TASOR: variants seen among roughly 807,000 people sequenced by gnomAD.
TASOR encodes the protein protein TASOR.
Under a neutral mutation model 178.6 loss-of-function variants are expected in TASOR, and 53 were observed. The ratio of observed to expected loss-of-function variants is 0.30; its 90% confidence interval spans 0.24 to 0.37. The LOEUF (loss-of-function observed/expected upper bound fraction) is 0.37, where lower values mean the gene tolerates loss of function less well. TASOR is among the 10% of genes least tolerant of loss of function. The pLI, the probability that TASOR is intolerant of heterozygous loss-of-function variation, is 1.00. For missense variants in TASOR, 1,815 were observed against 1,971.4 expected, an observed-to-expected ratio of 0.92 and a Z score of 1.50; for synonymous variants, 713 against 696.2, an observed-to-expected ratio of 1.02 and a Z score of -0.38.
At chr3:56,627,468 CAAGAA>C (rs1349180634) in intron 20 of TASOR, 109 bp downstream of exon 20, 2 of 1,177,554 alleles carry the variant, frequency 1.7e-6, no homozygotes, top group Non-Finnish European at 2.4e-6. Flanking sequence ...AATAAAAGCT[CAAGAA>C]AAGACTGAAA....
intron 1 of TASOR, among the ~76,000 whole-genome samples, chr3:56,680,192 T>G (rs1455947219): frequency 1.3e-5 from 2 of 152,202 alleles, no homozygotes; most frequent in Non-Finnish European, 2.9e-5. Flanking sequence ...ACAACTTAGC[T>G]GTGTGACCTG....
rs1559809749 is a variant in TASOR at position 56,623,512 on chromosome 3, TC to T, written c.4537del (p.Asp1513MetfsTer6). 1 of 1,609,320 alleles carries T rather than the reference TC, an allele frequency of 6.2e-7. No individual in the cohort carries two copies. The highest frequency in any genetic ancestry group is 8.5e-7 in the Non-Finnish European group (1 of 1,179,250). On this transcript the variant is annotated frameshift_variant, in exon 24 of 24. Transcript: ENST00000683822. LOFTEE classifies it high-confidence loss of function. ...DEEDMSLDSG[D>X]EISHIEVCSN... is the part of the protein sequence containing the mutation. Reference sequence around the variant, plus strand: ...GCATACTTCTATATGTGAGATTTCATCCCCTGAATCCAGAGACATATCCTCT... The same window carrying T: ...GCATACTTCTATATGTGAGATTTCATCCCTGAATCCAGAGACATATCCTCT...
chr3:56,682,730 C>G lies in TASOR; in HGVS notation c.277G>C (p.Glu93Gln), dbSNP rs1375167096. The G allele has an allele frequency of 6.6e-7, 1 of 1,510,346 alleles. No individual in the cohort carries two copies. The highest frequency in any genetic ancestry group is 2.5e-5 in the Admixed American group (1 of 40,290). 93.6% of individuals were successfully genotyped at this position (1,510,346 alleles called of 1,614,324 possible). ...AALPRGPEEPERPVRRSFQIP... is the reference protein window; with the variant it reads ...AALPRGPEEPQRPVRRSFQIP... ...TGAAAACTCCTCCTAACAGGCCTTT[C>G]GGGCTCTTCGGGGCCTCTGGGCAGG... is the stretch of plus-strand genomic sequence containing the variant. Residue 93 changes from glutamate (E) to glutamine (Q), a missense_variant, in exon 1 of 24, where the codon GAA becomes CAA. Transcript: ENST00000683822.
Position 56,623,076 on chromosome 3 carries a change from C to T in TASOR, c.4974G>A (p.Gly1658=), listed in dbSNP as rs780600632. The T allele has an allele frequency of 5.6e-6, 9 of 1,594,844 alleles. 1 individual carries two copies. The South Asian group carries it at 6.9e-5, about 12-fold the overall frequency. ...AATATGGCCTGGAAGAATCACTTTTCCCCCAACTTAAGGGAGGTGGAGATT... is the reference window on the plus strand; with the variant it reads ...AATATGGCCTGGAAGAATCACTTTTTCCCCAACTTAAGGGAGGTGGAGATT... The part of the protein sequence containing the change: ...RDKSPPPLSW[G]KSDSSRPYSQ... The change falls in exon 24 of 24, where the codon GGG becomes GGA. Residue 1658 remains glycine (G), a synonymous_variant. Coordinates refer to ENST00000683822, the MANE Select transcript of TASOR (RefSeq NM_001365635.2).
At chr3:56,634,821 T>G (rs545079035) in intron 17 of TASOR, among the ~76,000 whole-genome samples, 4 of 152,234 alleles carry the variant, frequency 2.6e-5, no homozygotes, top group African/African-American at 9.6e-5. Context: ...AAACACAGTA[T>G]GTTTTTGAAA....
chr3:56,621,679 C>A lies in TASOR; in HGVS notation c.*1358G>T. On this transcript the variant is annotated 3_prime_UTR_variant, in exon 24 of 24. Coordinates refer to ENST00000683822, the MANE Select transcript of TASOR (RefSeq NM_001365635.2). ...TCTTCCAAATTATAAAATGTGCTCACTGGCTCAACTGTATTTTTCAAATAG... is the reference window on the plus strand; with the variant it reads ...TCTTCCAAATTATAAAATGTGCTCAATGGCTCAACTGTATTTTTCAAATAG... 8.9e-7 allele frequency: 1 copy of A among 1,128,050 alleles called. No homozygotes were observed. Among genetic ancestry groups the A allele is most frequent in the Non-Finnish European group, 1.3e-6 (1 of 772,056 alleles). The allele number at this position is 1,128,050 out of a possible 1,614,324, so 69.9% of individuals were successfully genotyped here. A position where few individuals can be genotyped will look rare whatever the true frequency, so the allele number is the denominator to read the frequency against.
intron 16 of TASOR, among the ~76,000 whole-genome samples, chr3:56,639,468 T>C (rs1007069956): frequency 1.3e-5 from 2 of 152,146 alleles, no homozygotes; most frequent in African/African-American, 4.8e-5. Flanking sequence ...CACAGTTCAA[T>C]AACATTTACA....
chr3:56,664,618 T>A (rs2077668419), intron 7 of TASOR, among the ~76,000 whole-genome samples: 1 of 152,246 alleles, frequency 6.6e-6, no homozygotes, highest in African/African-American at 2.4e-5. Context: ...TTTCATGATA[T>A]ATGGTTTTAG....
chr3:56,653,777 T>C (rs951276467), intron 11 of TASOR, among the ~76,000 whole-genome samples: 4 of 152,194 alleles, frequency 2.6e-5, no homozygotes, highest in Admixed American at 2.6e-4. Flanking sequence ...TATCCCTGTT[T>C]CCCTATACAC....
intron 14 of TASOR, among the ~76,000 whole-genome samples, chr3:56,642,828 T>A (rs1368699630): frequency 6.6e-6 from 1 of 151,876 alleles, no homozygotes; most frequent in Non-Finnish European, 1.5e-5. Context: ...TACAAAAAAT[T>A]CGCTGGGCGT....
At chr3:56,656,472 T>TCCCAGC (rs1011927598) in intron 11 of TASOR, among the ~76,000 whole-genome samples, 3 of 151,960 alleles carry the variant, frequency 2.0e-5, no homozygotes, top group Non-Finnish European at 4.4e-5. Context: ...ACGCCTGTAG[T>TCCCAGC]CCCAGCTACT....
At position 56,641,354 on chromosome 3, in the gene TASOR, TC is replaced by T; in HGVS notation, c.2613del (p.Glu873LysfsTer5). ...SEVGTDHKLH[L>X]KEDPNLISVN... is the part of the protein sequence containing the mutation. The stretch of plus-strand genomic sequence containing the variant: ...ACCAACAGCTATATGCTTACTTCTT[TC>T]AAATGTAGCTTATGGTCAGTGCCCA... On this transcript the variant is annotated frameshift_variant, in exon 15 of 24. Coordinates refer to ENST00000683822, the MANE Select transcript of TASOR (RefSeq NM_001365635.2). LOFTEE classifies it high-confidence loss of function. 6.3e-7 allele frequency: 1 copy of T among 1,586,680 alleles called. No individual in the cohort carries two copies. Among genetic ancestry groups the T allele is most frequent in the Non-Finnish European group, 8.6e-7 (1 of 1,158,486 alleles).
intron 14 of TASOR, among the ~76,000 whole-genome samples, chr3:56,642,707 G>A (rs1415053792): frequency 2.6e-5 from 4 of 152,154 alleles, no homozygotes; most frequent in South Asian, 2.1e-4. Flanking sequence ...AGGCACGGTG[G>A]CTCATGCCTA....
At chr3:56,656,419 C>T (rs1578253653) in intron 11 of TASOR, among the ~76,000 whole-genome samples, 1 of 151,206 alleles carries the variant, frequency 6.6e-6, no homozygotes, top group East Asian at 2.0e-4. Context: ...AAAACCCCAT[C>T]TCTACAAAAA....
At chr3:56,647,979 G>A (rs539211297) in intron 13 of TASOR, among the ~76,000 whole-genome samples, 5 of 151,954 alleles carry the variant, frequency 3.3e-5, no homozygotes, top group East Asian at 3.9e-4. Context: ...TAGTTGGATC[G>A]CTTCAGGCCA....
chr3:56,674,028 TAAAAG>T (rs1265673883), intron 1 of TASOR, among the ~76,000 whole-genome samples: 1 of 152,062 alleles, frequency 6.6e-6, no homozygotes, highest in East Asian at 1.9e-4. Context: ...TAAAGACTCT[TAAAAG>T]AACCTGTGTT....
At chr3:56,631,557 C>T (rs567917124) in intron 18 of TASOR, among the ~76,000 whole-genome samples, 15 of 147,592 alleles carry the variant, frequency 1.0e-4, no homozygotes, top group Non-Finnish European at 1.8e-4. Flanking sequence ...CACAGAAAGG[C>T]GTGTGTGTGT....
At chr3:56,682,104 A>G (rs1471196824) in intron 1 of TASOR, among the ~76,000 whole-genome samples, 1 of 152,258 alleles carries the variant, frequency 6.6e-6, no homozygotes, top group Admixed American at 6.5e-5. Context: ...GGAAAAATCT[A>G]CATGGAAATG....
chr3:56,630,642 G>A (rs2076889977), intron 18 of TASOR, among the ~76,000 whole-genome samples: 1 of 152,060 alleles, frequency 6.6e-6, no homozygotes, highest in Admixed American at 6.6e-5. Flanking sequence ...TCAGGAGTTC[G>A]AGACCAGCCT....
Sources: gnomAD v4.1 joint callset for allele counts (sites outside exome capture counted in the v4.1 genomes callset) on GRCh38, gnomAD v4.1.1 for gene constraint, MANE v1.5 for transcripts, NCBI Gene and HGNC (gene_info 2026-07-23, HGNC 2026-07-21) for gene names.